The following MDGA1 variants were observed in gnomAD, a reference collection of about 807,000 sequenced individuals.
The protein encoded by MDGA1 is MAM domain-containing glycosylphosphatidylinositol anchor protein 1.
In MDGA1, 54 loss-of-function variants were observed where a neutral mutation model predicts 101.5. That is an observed-to-expected ratio of 0.53 (90% CI 0.43 to 0.67). The LOEUF (loss-of-function observed/expected upper bound fraction) is 0.67. Ranked by LOEUF, MDGA1 falls within the 30% of genes least tolerant of loss-of-function variation. The pLI, the probability that MDGA1 is intolerant of heterozygous loss-of-function variation, is 0.00. For missense variants in MDGA1, 1,083 were observed against 1,323.8 expected (o/e 0.82, Z 2.82); for synonymous variants, 533 against 558.3 (o/e 0.95, Z 0.64).
intron 1 of MDGA1, among the ~76,000 whole-genome samples, chr6:37,677,528 C>T (rs1324288266): frequency 6.6e-6 from 1 of 152,136 alleles, no homozygotes; most frequent in Non-Finnish European, 1.5e-5. Flanking sequence ...GGTCTGAGGG[C>T]TCAGTCAATA....
intron 14 of MDGA1, among the ~76,000 whole-genome samples, chr6:37,640,836 C>CAT (rs1764056772): frequency 6.6e-6 from 1 of 152,000 alleles, no homozygotes; most frequent in African/African-American, 2.4e-5. Context: ...GGACAGGGGG[C>CAT]ATATCTCCAG....
rs377080724 is a variant in MDGA1 at position 37,647,277 on chromosome 6, G to C, written c.1942C>G (p.Arg648Gly). 1 of 1,557,882 alleles carries C rather than the reference G, an allele frequency of 6.4e-7. No individual in the cohort carries two copies. The highest frequency in any genetic ancestry group is 8.7e-7 in the Non-Finnish European group (1 of 1,150,838). ...TAGTTCTTGGACAGCTTGTGGCTGC[G>C]GGTGGGGTTGGGGGTGTCGAAGTAA... ...EFYFDTPNPT[R>G]SHKLSKNYSY... is the part of the protein sequence containing the mutation. The change falls in exon 10 of 17, where the codon CGC becomes GGC. Residue 648 changes from arginine to glycine, a missense_variant. Coordinates refer to ENST00000434837, the MANE Select transcript of MDGA1 (RefSeq NM_153487.4).
Position 37,638,811 on chromosome 6 carries a change from A to T in MDGA1, c.2537-144T>A. ...CTCCTCCCCATGCCCAGCTGGGTGC[A>T]ATGTCCCATTCCTGCAGGGACACCC... On this transcript the variant is annotated intron_variant, in intron 14 of 16. Transcript: ENST00000434837. This position sits in a 1 kb window ranked among gnomAD's most constrained non-coding sequence, Gnocchi z 4.8. The T allele has an allele frequency of 9.3e-7, 1 of 1,075,476 alleles. No homozygotes were observed. The allele number at this position is 1,075,476 out of a possible 1,614,324, so 66.6% of individuals were successfully genotyped here. A position where few individuals can be genotyped will look rare whatever the true frequency, so the allele number is the denominator to read the frequency against.
chr6:37,674,524 G>A (rs571659295), intron 1 of MDGA1, among the ~76,000 whole-genome samples: 289 of 152,314 alleles, frequency 1.9e-3, no homozygotes, highest in Non-Finnish European at 3.1e-3. Flanking sequence ...GGGATGTTCA[G>A]CACCACTGCG....
intron 1 of MDGA1, among the ~76,000 whole-genome samples, chr6:37,686,376 G>A (rs770217108): frequency 6.6e-5 from 10 of 150,942 alleles, no homozygotes; most frequent in Non-Finnish European, 7.4e-5. Context: ...TAATGCAGAT[G>A]ACTGGTTTCC....
At chr6:37,683,724 G>A (rs553621825) in intron 1 of MDGA1, among the ~76,000 whole-genome samples, 1 of 152,244 alleles carries the variant, frequency 6.6e-6, no homozygotes, top group Non-Finnish European at 1.5e-5. Flanking sequence ...GTTCCCCCAA[G>A]GGACACCGAT....
intron 2 of MDGA1, among the ~76,000 whole-genome samples, chr6:37,661,919 C>T (rs1313723002): frequency 2.6e-5 from 4 of 151,746 alleles, no homozygotes; most frequent in Non-Finnish European, 4.4e-5. Flanking sequence ...CTTTGAGAGG[C>T]TGAGGCAGGA....
In MDGA1 at chr6:37,652,680, A is replaced by T. The variant is rs949605264; in HGVS notation, c.983-340T>A. Reference sequence around the variant, plus strand: ...GGAGATGCTTTATTACCCCCATTTTACAAAGAAGGGAACTGAGGCTCAGAC... The same window carrying T: ...GGAGATGCTTTATTACCCCCATTTTTCAAAGAAGGGAACTGAGGCTCAGAC... On this transcript the variant is annotated intron_variant, in intron 6 of 16. Coordinates refer to ENST00000434837, the MANE Select transcript of MDGA1 (RefSeq NM_153487.4). This position sits in a 1 kb window ranked among gnomAD's most constrained non-coding sequence, Gnocchi z 4.3. Among the ~76,000 whole-genome samples the T allele has an allele frequency of 5.3e-5, 8 of 152,258 alleles. No homozygotes were observed. Among genetic ancestry groups the T allele is most frequent in the African/African-American group, 1.9e-4 (8 of 41,468 alleles).
chr6:37,680,657 T>A (rs763070846), intron 1 of MDGA1, among the ~76,000 whole-genome samples: 64 of 152,238 alleles, frequency 4.2e-4, no homozygotes, highest in Admixed American at 8.5e-4. Flanking sequence ...GAAGTAAGCA[T>A]GAGCACTGGA....
At chr6:37,689,416 T>C (rs144802609) in intron 1 of MDGA1, among the ~76,000 whole-genome samples, 152 of 152,332 alleles carry the variant, frequency 1.0e-3, no homozygotes, top group African/African-American at 3.5e-3. Flanking sequence ...CAGAATCCCA[T>C]GAAGTTCAAA....
chr6:37,686,565 T>C (rs1762202807), intron 1 of MDGA1, among the ~76,000 whole-genome samples: 2 of 152,032 alleles, frequency 1.3e-5, no homozygotes, highest in African/African-American at 4.8e-5. Flanking sequence ...TAGCTGGGAT[T>C]ACAGGTGTCC....
chr6:37,640,162 G>A (rs1029479458), intron 14 of MDGA1, among the ~76,000 whole-genome samples: 2 of 152,160 alleles, frequency 1.3e-5, no homozygotes, highest in African/African-American at 4.8e-5. Context: ...AGGAGGTGGT[G>A]TTTTTGACAG....
chr6:37,694,325 C>A (rs893109609), intron 1 of MDGA1, among the ~76,000 whole-genome samples: 15 of 152,224 alleles, frequency 9.9e-5, no homozygotes, highest in African/African-American at 3.4e-4. Flanking sequence ...CCTAGAGAGA[C>A]TTCTCATGGA....
chr6:37,647,977 G>T (rs1196560208), intron 9 of MDGA1, among the ~76,000 whole-genome samples: 2 of 152,310 alleles, frequency 1.3e-5, no homozygotes, highest in East Asian at 3.9e-4. Context: ...GACATCCCCA[G>T]GCTCTGCTCC....
chr6:37,642,335 C>T (rs1389345296), intron 14 of MDGA1, among the ~76,000 whole-genome samples: 1 of 151,858 alleles, frequency 6.6e-6, no homozygotes, highest in East Asian at 1.9e-4. Context: ...GTGAGCCTGG[C>T]TAATTTTTGT....
In MDGA1 at chr6:37,679,755, C is replaced by A. The variant is rs181525429; in HGVS notation, c.68-15649G>T. Among the ~76,000 whole-genome samples the A allele has an allele frequency of 1.2e-4, 18 of 152,328 alleles. No homozygotes were observed. The East Asian group carries it at 3.3e-3, about 28-fold the overall frequency. ...CACATGCCAGGCACATGGCTTCCCA[C>A]ACATTCCTCATTTCCCCTTTACCAC... is the stretch of plus-strand genomic sequence containing the variant. On this transcript the variant is annotated intron_variant, in intron 1 of 16. Coordinates refer to ENST00000434837, the MANE Select transcript of MDGA1 (RefSeq NM_153487.4).
At position 37,649,100 on chromosome 6, in the gene MDGA1, G is replaced by A. The variant is rs754277955; in HGVS notation, c.1776C>T (p.Ala592=). The change falls in exon 9 of 17, where the codon GCC becomes GCT. Residue 592 remains alanine, a synonymous_variant. Coordinates refer to ENST00000434837, the MANE Select transcript of MDGA1 (RefSeq NM_153487.4). ...LPPPPVVPAA[A]EAPDHAELRL... is the part of the protein sequence containing the mutation. ...GCAGCTCCGCGTGATCCGGCGCCTCGGCGGCGGCGGGAACAACAGGCGGCG... is the reference window on the plus strand; with the variant it reads ...GCAGCTCCGCGTGATCCGGCGCCTCAGCGGCGGCGGGAACAACAGGCGGCG... 1.8e-5 allele frequency: 27 copies of A among 1,519,600 alleles called. No homozygotes were observed. Among genetic ancestry groups the A allele is most frequent in the Admixed American group, 8.5e-5 (4 of 47,124 alleles). 94.1% of individuals were successfully genotyped at this position (1,519,600 alleles called of 1,614,324 possible).
At chr6:37,642,666 A>G (rs1019092257) in intron 14 of MDGA1, among the ~76,000 whole-genome samples, 1 of 152,184 alleles carries the variant, frequency 6.6e-6, no homozygotes, top group Admixed American at 6.5e-5. Flanking sequence ...TAAAAAAATC[A>G]TGATGTCCTC....
chr6:37,644,503 G>C lies in MDGA1; in HGVS notation c.2395C>G (p.Pro799Ala). The change falls in exon 13 of 17, where the codon CCT (proline) becomes GCT (alanine). Residue 799 changes from proline to alanine, a missense_variant. Around this residue, in one of 3 missense-constraint regions of MDGA1, gnomAD observed 657 missense variants for 771.4 expected, o/e 0.85. Transcript: ENST00000434837. ...TGPPTDISGT[P>A]EGYYMFIETS... is the part of the protein sequence containing the mutation. The stretch of plus-strand genomic sequence containing the variant: ...CAGCAGGCCAGGTCCTCACCCTCAG[G>C]GGTGCCACTTATGTCGGTGGGGGGA... The C allele has an allele frequency of 2.5e-6, 4 of 1,578,778 alleles. No individual in the cohort carries two copies. Among genetic ancestry groups the C allele is most frequent in the Non-Finnish European group, 1.7e-6 (2 of 1,162,080 alleles).
Sources: gnomAD v4.1 joint callset for allele counts (sites outside exome capture counted in the v4.1 genomes callset) on GRCh38, gnomAD v4.1.1 for gene constraint, gnomAD v4.1.1 regional missense constraint, Gnocchi (gnomAD v3.1) non-coding constraint, MANE v1.5 for transcripts, NCBI Gene and HGNC (gene_info 2026-07-23, HGNC 2026-07-21) for gene names.